The following GRID2 variants were observed in gnomAD, a reference collection of about 807,000 sequenced individuals.
GRID2 encodes glutamate receptor ionotropic, delta-2.
In GRID2, 33 loss-of-function variants were observed where a neutral mutation model predicts 114.8. The observed-to-expected ratio is 0.29, with a 90% CI of 0.22 to 0.38. The LOEUF is 0.38. Ranked by LOEUF, GRID2 falls within the 10% of genes least tolerant of loss-of-function variation. The pLI, the probability that GRID2 is intolerant of heterozygous loss-of-function variation, is 1.00. For synonymous variants in GRID2, 505 were observed against 449.9 expected (o/e 1.12, Z -1.55); for missense variants, 1,184 against 1,257.7 (o/e 0.94, Z 0.89).
intron 11 of GRID2, among the ~76,000 whole-genome samples, chr4:93,474,609 G>C (rs1002099762): frequency 6.6e-6 from 1 of 152,030 alleles, no homozygotes; most frequent in Admixed American, 6.6e-5. Flanking sequence ...GGGAGAAAAC[G>C]AAATGGAAAT....
chr4:92,962,488 G>A (rs1487444519), intron 2 of GRID2, among the ~76,000 whole-genome samples: 1 of 151,912 alleles, frequency 6.6e-6, no homozygotes, highest in Non-Finnish European at 1.5e-5. Flanking sequence ...CCAGTTGGAA[G>A]GCTAGAGCCT....
intron 14 of GRID2, among the ~76,000 whole-genome samples, chr4:93,678,153 G>A (rs1315334217): frequency 3.9e-5 from 6 of 152,096 alleles, no homozygotes; most frequent in East Asian, 1.9e-4. Flanking sequence ...GAGCCGACGC[G>A]ATCAACTGGA....
In GRID2 at chr4:93,626,433, A is replaced by G. The variant is rs781343165; in HGVS notation, c.2358A>G (p.Gln786=). Reference sequence around the variant, plus strand: ...GTCCTTACCGAGATGTTTTTTCACAAAGGTAAGATTTGTGTATGACCAAAT... The same window carrying G: ...GTCCTTACCGAGATGTTTTTTCACAGAGGTAAGATTTGTGTATGACCAAAT... ...HGSPYRDVFS[Q]RILELQQNGD... Residue 786 remains glutamine, a splice_region_variant and synonymous_variant, in exon 14 of 16, where the codon CAA becomes CAG. Transcript: ENST00000282020. 1.2e-6 allele frequency: 2 copies of G among 1,601,372 alleles called. No individual in the cohort carries two copies. The highest frequency in any genetic ancestry group is 1.7e-6 in the Non-Finnish European group (2 of 1,171,732).
chr4:92,890,970 G>A (rs941601768), intron 2 of GRID2, among the ~76,000 whole-genome samples: 3 of 152,126 alleles, frequency 2.0e-5, no homozygotes, highest in Non-Finnish European at 4.4e-5. Flanking sequence ...GCAGGGACAT[G>A]GATGAAGCTG....
At chr4:93,682,519 T>C (rs1228322451) in intron 14 of GRID2, among the ~76,000 whole-genome samples, 1 of 151,970 alleles carries the variant, frequency 6.6e-6, no homozygotes, top group Non-Finnish European at 1.5e-5. Flanking sequence ...TAGCAAAGAC[T>C]TGGAACCAAG....
At chr4:92,764,547 C>T (rs1345103266) in intron 2 of GRID2, among the ~76,000 whole-genome samples, 1 of 152,210 alleles carries the variant, frequency 6.6e-6, no homozygotes, top group Non-Finnish European at 1.5e-5. Flanking sequence ...TGCACTTCTT[C>T]ACAGGAGCCC....
At chr4:93,466,907 C>G (rs1490414595) in intron 11 of GRID2, among the ~76,000 whole-genome samples, 1 of 152,014 alleles carries the variant, frequency 6.6e-6, no homozygotes, top group African/African-American at 2.4e-5. Context: ...TGAAAGAAAG[C>G]CTTTAAGCTT....
intron 14 of GRID2, among the ~76,000 whole-genome samples, chr4:93,654,392 G>A (rs1722830138): frequency 6.6e-6 from 1 of 152,160 alleles, no homozygotes; most frequent in African/African-American, 2.4e-5. Flanking sequence ...GCTGTATTTA[G>A]TTCATACTTT....
chr4:92,636,729 G>C (rs1234962852), intron 2 of GRID2, among the ~76,000 whole-genome samples: 1 of 151,836 alleles, frequency 6.6e-6, no homozygotes, highest in Non-Finnish European at 1.5e-5. Flanking sequence ...GGGTCCCAGC[G>C]TCCCCTGCCA....
chr4:92,478,044 A>G (rs778898136), intron 1 of GRID2, among the ~76,000 whole-genome samples: 11 of 151,756 alleles, frequency 7.2e-5, no homozygotes, highest in Non-Finnish European at 1.0e-4. Context: ...GAAACGGCCT[A>G]GAAATTGATC....
chr4:93,012,922 A>T (rs764237222), intron 2 of GRID2, among the ~76,000 whole-genome samples: 12 of 152,106 alleles, frequency 7.9e-5, no homozygotes, highest in Admixed American at 3.9e-4. Context: ...TATATATATA[A>T]AACATTTATC....
intron 14 of GRID2, among the ~76,000 whole-genome samples, chr4:93,648,660 C>G (rs1473219386): frequency 4.6e-5 from 7 of 152,178 alleles, no homozygotes; most frequent in Non-Finnish European, 1.0e-4. Flanking sequence ...TTTCTGGGCT[C>G]CAGCCCCAGA....
At chr4:93,115,402 G>GACACACAGACACACACACACAC in intron 4 of GRID2, among the ~76,000 whole-genome samples, 1 of 144,578 alleles carries the variant, frequency 6.9e-6, no homozygotes, top group East Asian at 2.1e-4. Flanking sequence ...AGTATATACA[G>GACACACAGACACACACACACAC]ACACACACAC....
chr4:92,372,023 G>C (rs142225679), intron 1 of GRID2, among the ~76,000 whole-genome samples: 2 of 152,258 alleles, frequency 1.3e-5, no homozygotes, highest in East Asian at 3.9e-4. Context: ...GGTAGAATCA[G>C]CAAAAGAACT....
At chr4:93,019,256 A>G (rs1178884857) in intron 2 of GRID2, among the ~76,000 whole-genome samples, 1 of 152,204 alleles carries the variant, frequency 6.6e-6, no homozygotes, top group East Asian at 1.9e-4. Context: ...GAATTAGATG[A>G]CAGTCTTACA....
chr4:93,336,563 A>G (rs192116160), intron 8 of GRID2, among the ~76,000 whole-genome samples: 77 of 152,298 alleles, frequency 5.1e-4, no homozygotes, highest in Non-Finnish European at 1.9e-4. Flanking sequence ...ATAAATGCCT[A>G]TAAGTGTAGC....
chr4:93,769,602 G>A (rs1733954350), intron 15 of GRID2, 152 bp downstream of exon 15: 1 of 690,234 alleles, frequency 1.4e-6, no homozygotes, highest in Non-Finnish European at 2.4e-6. Context: ...ATAAAAATTG[G>A]TAAGATCAAT....
At chr4:92,736,937 C>A (rs1005948922) in intron 2 of GRID2, among the ~76,000 whole-genome samples, 1 of 152,006 alleles carries the variant, frequency 6.6e-6, no homozygotes, top group African/African-American at 2.4e-5. Context: ...GAGATGGTTG[C>A]TTGGAGAGGG....
At chr4:93,776,410 A>G (rs1048163697), downstream of GRID2, among the ~76,000 whole-genome samples, 7 of 152,246 alleles carry the variant, frequency 4.6e-5, no homozygotes, top group Admixed American at 6.5e-5. Context: ...GCTATAATTT[A>G]TAGAAGATTT....
Sources: gnomAD v4.1 joint callset for allele counts (sites outside exome capture counted in the v4.1 genomes callset) on GRCh38, gnomAD v4.1.1 for gene constraint, MANE v1.5 for transcripts, NCBI Gene and HGNC (gene_info 2026-07-23, HGNC 2026-07-21) for gene names.